Variants in TPP2 observed in about 807,000 individuals in gnomAD.
TPP2 encodes tripeptidyl-peptidase 2.
In TPP2, 34 loss-of-function variants were observed where a neutral mutation model predicts 155.9. The ratio of observed to expected loss-of-function variants is 0.22; its 90% CI spans 0.17 to 0.29. The LOEUF is 0.29. Ranked by LOEUF, TPP2 falls within the 10% of genes least tolerant of loss-of-function variation. TPP2 has a pLI of 1.00. For missense variants in TPP2, 1,028 were observed against 1,522.3 expected (o/e 0.68, Z 5.40); for synonymous variants, 510 against 529.4 (o/e 0.96, Z 0.50).
intron 19 of TPP2, among the ~76,000 whole-genome samples, chr13:102,646,057 A>G (rs1883077949): frequency 6.6e-6 from 1 of 152,226 alleles, no homozygotes; most frequent in East Asian, 1.9e-4. Flanking sequence ...TTTGCCATGA[A>G]AAGATTGCCT....
At position 102,638,243 on chromosome 13, in the gene TPP2, G is replaced by A. The variant is rs1228405968; in HGVS notation, c.1841G>A (p.Cys614Tyr). The change falls in exon 15 of 30, where the codon TGT becomes TAT. Residue 614 changes from cysteine (C) to tyrosine (Y), a missense_variant. Cys to Tyr is a radical substitution (Grantham distance 194). Around this residue, in one of 7 missense-constraint regions of TPP2, gnomAD observed 325 missense variants for 463.7 expected, o/e 0.70. Coordinates refer to ENST00000376052, the MANE Select transcript of TPP2 (RefSeq NM_001330588.2). ...LREGLHYTEV[C>Y]GYDIASPNAG... ...CTTACCGATTCTTTTTTCAAGGTAT[G>A]TGGCTATGATATAGCATCCCCTAAC... 7 of 1,612,050 alleles carry A rather than the reference G, an allele frequency of 4.3e-6. No individual in the cohort carries two copies. The highest frequency in any genetic ancestry group is 5.9e-6 in the Non-Finnish European group (7 of 1,179,868).
In TPP2 at chr13:102,637,342, A is replaced by G. The variant is rs1882447522; in HGVS notation, c.1836+103A>G. 4 of 1,268,604 alleles carry G rather than the reference A, an allele frequency of 3.2e-6. No homozygotes were observed. In the South Asian group the frequency reaches 4.5e-5, roughly 14 times the overall value. The allele number at this position is 1,268,604 out of a possible 1,614,324, so 78.6% of individuals were successfully genotyped here. ...TGCAATATATTGCTTTCTTGCTAAG[A>G]AATAACTAGACCTATCCATCTGCCA... On this transcript the variant is annotated intron_variant, in intron 14 of 29. Transcript: ENST00000376052.
At position 102,637,233 on chromosome 13, in the gene TPP2, T is replaced by C; in HGVS notation, c.1830T>C (p.Tyr610=). 6.3e-7 allele frequency: 1 copy of C among 1,595,364 alleles called. No individual in the cohort carries two copies. Among genetic ancestry groups the C allele is most frequent in the South Asian group, 1.2e-5 (1 of 86,912 alleles). Residue 610 remains tyrosine, a synonymous_variant, in exon 14 of 30, where the codon TAT becomes TAC. Coordinates refer to ENST00000376052, the MANE Select transcript of TPP2 (RefSeq NM_001330588.2). ...DPRGLREGLH[Y]TEVCGYDIAS... is the part of the protein sequence containing the mutation. ...GGGGCTTAAGAGAAGGATTGCATTA[T>C]ACAGAGGTATTGATGTATCTTCATT...
chr13:102,631,413 G>C (rs543653770), intron 10 of TPP2: 1 of 152,342 alleles, frequency 6.6e-6, no homozygotes, highest in East Asian at 1.9e-4. Context: ...GCCCCTGCCA[G>C]CCCAGCTAAA....
At chr13:102,667,671 G>A (rs757078502) in intron 27 of TPP2, 66 of 809,608 alleles carry the variant, frequency 8.2e-5, no homozygotes, top group Non-Finnish European at 9.1e-5. Context: ...TTTAGATTAC[G>A]TGATAAGAGG....
rs182124850 is a variant in TPP2 at position 102,675,004 on chromosome 13, C to A, written c.3579+514C>A. Among the ~76,000 whole-genome samples the A allele has an allele frequency of 7.1e-4, 108 of 152,246 alleles. No individual in the cohort carries two copies. In the East Asian group the frequency reaches 7.5e-3, roughly 11 times the overall value. ...GATGAACTTTTTTGGATTTTGGTTA[C>A]AAAAACATTTTAAATCTCTTTTAGC... On this transcript the variant is annotated intron_variant, in intron 28 of 29. Coordinates refer to ENST00000376052, the MANE Select transcript of TPP2 (RefSeq NM_001330588.2).
intron 25 of TPP2, among the ~76,000 whole-genome samples, chr13:102,662,067 G>C (rs903214302): frequency 7.9e-5 from 12 of 152,104 alleles, no homozygotes; most frequent in Non-Finnish European, 1.5e-4. Flanking sequence ...TCCATACAGG[G>C]GATTCCTTTT....
At chr13:102,635,852 C>G (rs1595170597) in intron 12 of TPP2, 150 bp downstream of exon 12, 1 of 663,850 alleles carries the variant, frequency 1.5e-6, no homozygotes, top group African/African-American at 1.8e-5. Context: ...AAAGGATACA[C>G]AAACAAATTT....
Position 102,630,102 on chromosome 13 carries a change from G to T in TPP2, c.1151G>T (p.Gly384Val), listed in dbSNP as rs1881919792. Residue 384 changes from glycine (G) to valine (V), a missense_variant, in exon 10 of 30, where the codon GGT becomes GTT. By Grantham distance (109) the Gly-to-Val change is moderately radical (BLOSUM62 -3). This residue lies in a region of TPP2 where 63 missense variants were observed against 165.7 expected (regional missense o/e 0.38). Transcript: ENST00000376052. ...GGTTSSVIGV[G>V]AYVSPDMMVA... ...GATTAAATCCATCCCACAGGTGTTG[G>T]TGCTTATGTTTCTCCTGATATGATG... The T allele has an allele frequency of 6.2e-7, 1 of 1,612,544 alleles. No homozygotes were observed. The highest frequency in any genetic ancestry group is 8.5e-7 in the Non-Finnish European group (1 of 1,179,564).
chr13:102,615,653 A>T (rs1202286368), intron 3 of TPP2, among the ~76,000 whole-genome samples: 2 of 152,106 alleles, frequency 1.3e-5, no homozygotes, highest in Non-Finnish European at 2.9e-5. Flanking sequence ...AATAGGGAGG[A>T]CATTGAGGAT....
intron 25 of TPP2, among the ~76,000 whole-genome samples, chr13:102,663,264 C>A (rs1884372588): frequency 6.6e-6 from 1 of 152,198 alleles, no homozygotes; most frequent in African/African-American, 2.4e-5. Context: ...TCTCCTGCCT[C>A]AGCCTCCCGA....
At chr13:102,663,454 T>A (rs1289980428) in intron 25 of TPP2, among the ~76,000 whole-genome samples, 194 bp from the exon 26 acceptor site, 1 of 152,240 alleles carries the variant, frequency 6.6e-6, no homozygotes, top group African/African-American at 2.4e-5. Context: ...CCCAGTTTGA[T>A]TTATTTTTGT....
intron 11 of TPP2, among the ~76,000 whole-genome samples, chr13:102,635,320 C>T (rs796370713): frequency 7.2e-5 from 11 of 152,262 alleles, no homozygotes; most frequent in African/African-American, 2.4e-4. Flanking sequence ...CTGCTTTGTA[C>T]GTTTATATTA....
At chr13:102,614,763 A>G (rs1217050093) in intron 3 of TPP2, among the ~76,000 whole-genome samples, 2 of 152,206 alleles carry the variant, frequency 1.3e-5, no homozygotes, top group African/African-American at 2.4e-5. Context: ...ACAGTTCAAT[A>G]GAACTTTCTG....
intron 10 of TPP2, among the ~76,000 whole-genome samples, 195 bp from the exon 11 acceptor site, chr13:102,633,755 C>G (rs1882182511): frequency 6.6e-6 from 1 of 152,164 alleles, no homozygotes; most frequent in Non-Finnish European, 1.5e-5. Flanking sequence ...AAAATAAATG[C>G]TGCCTATGGG....
At position 102,638,297 on chromosome 13, in the gene TPP2, C is replaced by G. The variant is rs1292787832; in HGVS notation, c.1895C>G (p.Thr632Ser). Reference sequence around the variant, plus strand: ...GGTCCGCTCTTCAGAGTTCCGATCACTGCAGTTATAGCAGCAAAGTAAGTA... The same window carrying G: ...GGTCCGCTCTTCAGAGTTCCGATCAGTGCAGTTATAGCAGCAAAGTAAGTA... ...NAGPLFRVPITAVIAAKVNES... is the reference protein window; with the variant it reads ...NAGPLFRVPISAVIAAKVNES... The change falls in exon 15 of 30, where the codon ACT becomes AGT. Residue 632 changes from threonine to serine, a missense_variant. Thr to Ser is a moderately conservative substitution (Grantham distance 58). Around this residue, in one of 7 missense-constraint regions of TPP2, gnomAD observed 325 missense variants for 463.7 expected, o/e 0.70. Transcript: ENST00000376052. 1 of 1,612,854 alleles carries G rather than the reference C, an allele frequency of 6.2e-7. No individual in the cohort carries two copies. The highest frequency in any genetic ancestry group is 8.5e-7 in the Non-Finnish European group (1 of 1,179,950).
chr13:102,678,171 G>A (rs1261575522), intron 29 of TPP2, 56 bp from the exon 30 acceptor site: 3 of 1,503,452 alleles, frequency 2.0e-6, no homozygotes, highest in Non-Finnish European at 2.7e-6. Flanking sequence ...TCTAAATACT[G>A]AGCTTAAAAA....
intron 2 of TPP2, among the ~76,000 whole-genome samples, chr13:102,610,475 C>T (rs971067337): frequency 2.6e-5 from 4 of 152,186 alleles, no homozygotes; most frequent in African/African-American, 7.2e-5. Context: ...GGTGATCCAC[C>T]CACTTCGGCC....
chr13:102,674,925 T>C (rs1281593869), intron 28 of TPP2, among the ~76,000 whole-genome samples: 1 of 152,128 alleles, frequency 6.6e-6, no homozygotes, highest in African/African-American at 2.4e-5. Flanking sequence ...TCAGTAATTA[T>C]CATCTTGATT....
Sources: gnomAD v4.1 joint callset for allele counts (sites outside exome capture counted in the v4.1 genomes callset) on GRCh38, gnomAD v4.1.1 for gene constraint, gnomAD v4.1.1 regional missense constraint, MANE v1.5 for transcripts, NCBI Gene and HGNC (gene_info 2026-07-23, HGNC 2026-07-21) for gene names.